Variants in C1QTNF9 observed in about 807,000 individuals in gnomAD.
The protein encoded by C1QTNF9 is C1q and TNF related 9.
Under a neutral mutation model 10.1 loss-of-function variants are expected in C1QTNF9, and 6 were observed. The observed-to-expected ratio is 0.59, with a 90% CI of 0.32 to 1.17. The LOEUF is 1.17. Among genes scored for constraint, C1QTNF9 ranks in the 50% most tolerant of loss-of-function variants. The pLI is 0.04. For synonymous variants in C1QTNF9, 98 were observed against 163.5 expected (o/e 0.60, Z 3.06); for missense variants, 201 against 418.8 (o/e 0.48, Z 4.54).
At chr13:24,312,769 A>C (rs1320741437) in intron 1 of C1QTNF9, among the ~76,000 whole-genome samples, 2 of 151,974 alleles carry the variant, frequency 1.3e-5, no homozygotes, top group African/African-American at 4.8e-5. Flanking sequence ...ATCCTGGCTA[A>C]CATGGTGAAA....
intron 2 of C1QTNF9, among the ~76,000 whole-genome samples, chr13:24,316,498 C>T (rs576358847): frequency 3.3e-5 from 5 of 152,212 alleles, no homozygotes; most frequent in Non-Finnish European, 7.3e-5. Context: ...CATGGATCCT[C>T]CCATCTCAGG....
At chr13:24,309,283 T>TATATATATATATATATATATATATATATA (rs1566212534), upstream of C1QTNF9, among the ~76,000 whole-genome samples, 5 of 68,260 alleles carry the variant, frequency 7.3e-5, 1 homozygote, top group African/African-American at 4.9e-5. Context: ...ACTTAAAGTA[T>TATATATATATATATATATATATATATATA]TATATATATA....
At chr13:24,307,972 G>A (rs1877662168), upstream of C1QTNF9, among the ~76,000 whole-genome samples, 1 of 152,220 alleles carries the variant, frequency 6.6e-6, no homozygotes, top group Non-Finnish European at 1.5e-5. Context: ...GGCTTCCCAC[G>A]GACCCCAGGC....
At position 24,318,138 on chromosome 13, in the gene C1QTNF9, C is replaced by T. The variant is rs538811365; in HGVS notation, c.167-680C>T. Among the ~76,000 whole-genome samples the T allele has an allele frequency of 4.6e-4, 70 of 152,288 alleles. 2 individuals are homozygous for T. In the South Asian group the frequency reaches 0.014, roughly 30 times the overall value. The stretch of plus-strand genomic sequence containing the variant: ...GAGCTGTGGCCCAATGAGCACTCTA[C>T]TGCCATAGCCAGAGCCACCTTCAAC... On this transcript the variant is annotated intron_variant, in intron 2 of 3. Transcript: ENST00000332018.
At chr13:24,318,385 A>G (rs559942949) in intron 2 of C1QTNF9, among the ~76,000 whole-genome samples, 1 of 152,330 alleles carries the variant, frequency 6.6e-6, no homozygotes, top group African/African-American at 2.4e-5. Context: ...ATAGGAGCCT[A>G]GTAAATCTTC....
chr13:24,315,788 T>A, intron 1 of C1QTNF9, 194 bp from the exon 2 acceptor site: 1 of 585,144 alleles, frequency 1.7e-6, no homozygotes, highest in Non-Finnish European at 2.9e-6. Flanking sequence ...ATCACAAGTG[T>A]TACCTTCCAA....
At chr13:24,316,005 T>C (rs781000181) in exon 2 of C1QTNF9, 6 of 1,613,704 alleles carry the variant, frequency 3.7e-6, no homozygotes, top group Middle Eastern at 1.6e-4. Flanking sequence ...ATCTGAACCA[T>C]GAGGATCTGG....
chr13:24,320,436 G>A (rs1878209753), intron 3 of C1QTNF9, among the ~76,000 whole-genome samples: 1 of 152,100 alleles, frequency 6.6e-6, no homozygotes, highest in African/African-American at 2.4e-5. Context: ...CCAGGCTGCA[G>A]TGCAGTGGTT....
intron 2 of C1QTNF9, among the ~76,000 whole-genome samples, chr13:24,317,359 T>C (rs1369498690): frequency 6.6e-6 from 1 of 152,072 alleles, no homozygotes; most frequent in Non-Finnish European, 1.5e-5. Flanking sequence ...AAATAGGTGA[T>C]AGATAAAAAA....
intron 1 of C1QTNF9, among the ~76,000 whole-genome samples, chr13:24,310,677 G>T (rs1167457779): frequency 4.6e-5 from 7 of 151,534 alleles, no homozygotes; most frequent in Admixed American, 4.6e-4. Flanking sequence ...ACTTTGGGAG[G>T]CTGAGGCGGG....
chr13:24,312,600 C>T (rs1213841919), intron 1 of C1QTNF9, among the ~76,000 whole-genome samples: 1 of 152,074 alleles, frequency 6.6e-6, no homozygotes, highest in Non-Finnish European at 1.5e-5. Context: ...AAATCCTCAA[C>T]CTTCTACATT....
chr13:24,309,108 C>T (rs1877715120), upstream of C1QTNF9, among the ~76,000 whole-genome samples: 1 of 151,768 alleles, frequency 6.6e-6, no homozygotes, highest in African/African-American at 2.4e-5. Flanking sequence ...TAGCAGCCTT[C>T]AGTTTTGTCC....
Position 24,321,138 on chromosome 13 carries a change from G to A in C1QTNF9, c.372G>A (p.Lys124=). The change falls in exon 4 of 4, where the codon AAG becomes AAA. Residue 124 remains lysine (K), a synonymous_variant. Transcript: ENST00000332018. ...GAGAGACTGGGCCTCAGGGGCAGAAGGGGAATAAGGGTGACGTGGGTCCCA... is the reference window on the plus strand; with the variant it reads ...GAGAGACTGGGCCTCAGGGGCAGAAAGGGAATAAGGGTGACGTGGGTCCCA... 2.3e-6 allele frequency: 3 copies of A among 1,280,912 alleles called. 1 individual carries two copies. Among genetic ancestry groups the A allele is most frequent in the Non-Finnish European group, 3.2e-6 (3 of 931,940 alleles). The allele number at this position is 1,280,912 out of a possible 1,614,324, so 79.3% of individuals were successfully genotyped here. A position where few individuals can be genotyped will look rare whatever the true frequency, so the allele number is the denominator to read the frequency against.
chr13:24,321,609 G>A (rs866293809), exon 4 of C1QTNF9: 7 of 1,614,054 alleles, frequency 4.3e-6, no homozygotes, highest in Non-Finnish European at 5.9e-6. Context: ...ATGCTTACAT[G>A]AGCTCTGAGG....
At chr13:24,317,283 G>GTGTA (rs1878075918) in intron 2 of C1QTNF9, among the ~76,000 whole-genome samples, 2 of 142,574 alleles carry the variant, frequency 1.4e-5, no homozygotes, top group Non-Finnish European at 3.1e-5. Context: ...GTGTGTGTGT[G>GTGTA]TATTGTATTT....
At chr13:24,311,807 G>GT (rs1312285036) in intron 1 of C1QTNF9, among the ~76,000 whole-genome samples, 2 of 152,304 alleles carry the variant, frequency 1.3e-5, no homozygotes, top group Admixed American at 1.3e-4. Flanking sequence ...GAGGCCAGGG[G>GT]TTTTTCTATC....
upstream of C1QTNF9, among the ~76,000 whole-genome samples, chr13:24,309,296 T>TC (rs1877724835): frequency 1.5e-5 from 1 of 64,790 alleles, no homozygotes; most frequent in South Asian, 5.3e-4. Context: ...TATATATATA[T>TC]ATATATATAT....
In C1QTNF9 at chr13:24,318,034, C is replaced by G. The variant is rs3854479; in HGVS notation, c.167-784C>G. Among the ~76,000 whole-genome samples, 1,158 of 152,200 alleles carry G rather than the reference C, an allele frequency of 7.6e-3. 10 individuals carry two copies. The highest frequency in any genetic ancestry group is 0.026 in the African/African-American group (1,082 of 41,492). Reference sequence around the variant, plus strand: ...GGACCTGCAAGCCGGCCCAGCCTGCCCCTGTCGCCCCACAGCCACGTCAGT... The same window carrying G: ...GGACCTGCAAGCCGGCCCAGCCTGCGCCTGTCGCCCCACAGCCACGTCAGT... On this transcript the variant is annotated intron_variant, in intron 2 of 3. Transcript: ENST00000332018.
chr13:24,315,796 C>A, intron 1 of C1QTNF9, 186 bp from the exon 2 acceptor site: 1 of 618,680 alleles, frequency 1.6e-6, no homozygotes, highest in Non-Finnish European at 2.7e-6. Flanking sequence ...TGTTACCTTC[C>A]AAGGACAGTG....
Sources: gnomAD v4.1 joint callset for allele counts (sites outside exome capture counted in the v4.1 genomes callset) on GRCh38, gnomAD v4.1.1 for gene constraint, MANE v1.5 for transcripts, NCBI Gene and HGNC (gene_info 2026-07-23, HGNC 2026-07-21) for gene names.